Variants in PGR observed in about 807,000 individuals in gnomAD.
PGR encodes the protein nuclear receptor subfamily 3 group C member 3.
Under a neutral mutation model 76.1 loss-of-function variants are expected in PGR, and 25 were observed. The ratio of observed to expected loss-of-function variants is 0.33; its 90% CI spans 0.24 to 0.46. PGR has a LOEUF of 0.46. Among genes scored for constraint, PGR ranks in the 20% least tolerant of loss-of-function variants. The probability of loss-of-function intolerance (pLI) is 1.00; values close to 1 mark genes in which losing one functional copy is unlikely to be tolerated. For missense variants in PGR, 1,172 were observed against 1,225.3 expected, an observed-to-expected ratio of 0.96 and a Z score of 0.65; for synonymous variants, 579 against 535.0, an observed-to-expected ratio of 1.08 and a Z score of -1.14.
At chr11:101,061,973 C>T (rs985034732) in intron 4 of PGR, among the ~76,000 whole-genome samples, 3 of 152,062 alleles carry the variant, frequency 2.0e-5, no homozygotes, top group African/African-American at 4.8e-5. Flanking sequence ...AAGTAATTTA[C>T]GTTAGGGAAT....
chr11:101,118,837 C>G (rs990000307), intron 2 of PGR, among the ~76,000 whole-genome samples: 1 of 152,134 alleles, frequency 6.6e-6, no homozygotes, highest in African/African-American at 2.4e-5. Flanking sequence ...GGCCTCTCCT[C>G]AAATTAGGTA....
At position 101,048,995 on chromosome 11, in the gene PGR, C is replaced by T. The variant is rs375710762; in HGVS notation, c.2488+934G>A. ...TCCTGGGCTCAAGTGATCCTCTCAC[C>T]TCAGCCTCCCAAGTAGTGGGGACTA... On this transcript the variant is annotated intron_variant, in intron 6 of 7. Coordinates refer to ENST00000325455, the MANE Select transcript of PGR (RefSeq NM_000926.4). Among the ~76,000 whole-genome samples, 11 of 152,198 alleles carry T rather than the reference C, an allele frequency of 7.2e-5. 1 individual carries two copies. In the South Asian group the frequency reaches 1.9e-3, roughly 26 times the overall value.
chr11:101,125,425 C>T (rs1160949762), intron 2 of PGR, among the ~76,000 whole-genome samples: 1 of 152,074 alleles, frequency 6.6e-6, no homozygotes, highest in Non-Finnish European at 1.5e-5. Context: ...ATCCTGTCCT[C>T]TTATACACTT....
chr11:101,127,551 G>T lies in PGR; in HGVS notation c.1520C>A (p.Ala507Glu). Reference protein sequence around the residue: ...STSASAAAAGAAPALYPALGL... With the variant: ...STSASAAAAGEAPALYPALGL... ...GAGTGCAGGGTAGAGCGCGGGGGCCGCCCCGGCGGCGGCGGCAGAGGCGGA... is the reference window on the plus strand; with the variant it reads ...GAGTGCAGGGTAGAGCGCGGGGGCCTCCCCGGCGGCGGCGGCAGAGGCGGA... The change falls in exon 1 of 8, where the codon GCG (alanine) becomes GAG (glutamate). Residue 507 changes from alanine to glutamate, a missense_variant. Physicochemically the swap from Ala to Glu is moderately radical, Grantham distance 107. Around this residue, in one of 4 missense-constraint regions of PGR, gnomAD observed 893 missense variants for 785.9 expected, o/e 1.14. Transcript: ENST00000325455. 7.2e-7 allele frequency: 1 copy of T among 1,394,410 alleles called. No homozygotes were observed. The highest frequency in any genetic ancestry group is 2.4e-4 in the Middle Eastern group (1 of 4,236). The allele number at this position is 1,394,410 out of a possible 1,614,324, so 86.4% of individuals were successfully genotyped here. A position where few individuals can be genotyped will look rare whatever the true frequency, so the allele number is the denominator to read the frequency against.
At chr11:101,052,881 G>A (rs1483538907) in intron 4 of PGR, among the ~76,000 whole-genome samples, 1 of 152,134 alleles carries the variant, frequency 6.6e-6, no homozygotes, top group Non-Finnish European at 1.5e-5. Context: ...GATGATAACA[G>A]CATTGCTGAG....
rs573021893 is a variant in PGR, at chr11:101,033,820, T to A, written c.*5296A>T. On this transcript the variant is annotated 3_prime_UTR_variant, in exon 8 of 8. Transcript: ENST00000325455. ...ACAAAGAGATCAGAAACTTAACATA[T>A]AACTGACAAGACAAAAACATTTAAC... 1 of 207,842 alleles carries A rather than the reference T, an allele frequency of 4.8e-6. No homozygotes were observed. The highest frequency in any genetic ancestry group is 1.9e-4 in the South Asian group (1 of 5,290). 12.9% of individuals were successfully genotyped at this position (207,842 alleles called of 1,614,324 possible).
intron 2 of PGR, among the ~76,000 whole-genome samples, chr11:101,116,636 A>G (rs1244063141): frequency 6.7e-6 from 1 of 148,820 alleles, no homozygotes; most frequent in Non-Finnish European, 1.5e-5. Flanking sequence ...GCTATTCGGG[A>G]GGCTGAGGCA....
intron 2 of PGR, among the ~76,000 whole-genome samples, chr11:101,093,312 A>ATT (rs112288755): frequency 0.018 from 2,619 of 145,808 alleles, 63 homozygotes; most frequent in African/African-American, 0.057. Flanking sequence ...TTTGACTCTA[A>ATT]TTTTTTTTTT....
At chr11:101,098,432 A>C (rs1277672822) in intron 2 of PGR, among the ~76,000 whole-genome samples, 2 of 152,212 alleles carry the variant, frequency 1.3e-5, no homozygotes, top group African/African-American at 4.8e-5. Context: ...TAAGGAATGA[A>C]ATAGTGAAAG....
chr11:101,101,834 A>G (rs1862005614), intron 2 of PGR, among the ~76,000 whole-genome samples: 2 of 152,224 alleles, frequency 1.3e-5, no homozygotes, highest in South Asian at 4.1e-4. Flanking sequence ...AAAGTTTTAA[A>G]ACATTATGAG....
chr11:101,090,456 G>A (rs577051023), intron 3 of PGR, among the ~76,000 whole-genome samples: 42 of 152,296 alleles, frequency 2.8e-4, no homozygotes, highest in African/African-American at 9.9e-4. Context: ...GCTGCGCCAG[G>A]GTCAGAATAC....
At chr11:101,071,525 C>A (rs1302597063) in intron 3 of PGR, among the ~76,000 whole-genome samples, 1 of 151,732 alleles carries the variant, frequency 6.6e-6, no homozygotes, top group Non-Finnish European at 1.5e-5. Context: ...ATGACAAACT[C>A]CTCTGAGTTA....
intron 3 of PGR, among the ~76,000 whole-genome samples, chr11:101,085,904 A>G (rs979072408): frequency 1.3e-5 from 2 of 152,170 alleles, no homozygotes; most frequent in African/African-American, 4.8e-5. Flanking sequence ...TCAGGAAAAA[A>G]CTAAAGCACT....
At chr11:101,092,066 C>A (rs750337527) in intron 2 of PGR, among the ~76,000 whole-genome samples, 190 bp from the exon 3 acceptor site, 9 of 152,258 alleles carry the variant, frequency 5.9e-5, no homozygotes, top group East Asian at 3.9e-4. Flanking sequence ...CCTTTAGGAG[C>A]CTAAATTAGG....
At chr11:101,044,166 C>T (rs1859785307) in intron 6 of PGR, among the ~76,000 whole-genome samples, 1 of 152,218 alleles carries the variant, frequency 6.6e-6, no homozygotes, top group Admixed American at 6.5e-5. Context: ...TTTAGCACAG[C>T]TACTTTCATA....
Position 101,031,127 on chromosome 11 carries a change from T to G in PGR, c.*7989A>C, listed in dbSNP as rs1488712030. 4.9e-6 allele frequency: 1 copy of G among 206,154 alleles called. No homozygotes were observed. The highest frequency in any genetic ancestry group is 7.3e-5 in the East Asian group (1 of 13,672). 12.8% of individuals were successfully genotyped at this position (206,154 alleles called of 1,614,324 possible). A position where few individuals can be genotyped will look rare whatever the true frequency, so the allele number is the denominator to read the frequency against. On this transcript the variant is annotated 3_prime_UTR_variant, in exon 8 of 8. Coordinates refer to ENST00000325455, the MANE Select transcript of PGR (RefSeq NM_000926.4). ...AAGGTGACTCCACAGCAGGGCCAGA[T>G]GAGAAAAGAGCTGGGCCTATGAGGA...
intron 5 of PGR, 113 bp from the exon 6 acceptor site, chr11:101,050,172 T>A: frequency 9.5e-7 from 1 of 1,047,854 alleles, no homozygotes; most frequent in South Asian, 1.4e-5. Context: ...TTACATATTA[T>A]TGAAAATGAC....
chr11:101,122,479 T>C (rs1862710459), intron 2 of PGR, among the ~76,000 whole-genome samples: 2 of 152,176 alleles, frequency 1.3e-5, no homozygotes, highest in African/African-American at 4.8e-5. Context: ...ACCAGGTTAG[T>C]AGTCTGCATT....
chr11:101,042,098 A>G lies in PGR; in HGVS notation c.2493T>C (p.Pro831=), dbSNP rs1207075176. 1.9e-6 allele frequency: 3 copies of G among 1,613,222 alleles called. No individual in the cohort carries two copies. Among genetic ancestry groups the G allele is most frequent in the Non-Finnish European group, 2.5e-6 (3 of 1,179,542 alleles). ...MKVLLLLNTI[P]LEGLRSQTQF... ...GGGTTTGACTTCGTAGCCCTTCCAA[A>G]GGAACTGTTAAGAAGACAATTAAAA... Residue 831 remains proline, a synonymous_variant, in exon 7 of 8, where the codon CCT becomes CCC. Transcript: ENST00000325455.
Sources: gnomAD v4.1 joint callset for allele counts (sites outside exome capture counted in the v4.1 genomes callset) on GRCh38, gnomAD v4.1.1 for gene constraint, gnomAD v4.1.1 regional missense constraint, MANE v1.5 for transcripts, NCBI Gene and HGNC (gene_info 2026-07-23, HGNC 2026-07-21) for gene names.